The following LOXHD1 variants were observed in gnomAD, a reference collection of about 807,000 sequenced individuals.
The protein encoded by LOXHD1 is lipoxygenase homology domain-containing protein 1.
A neutral mutation model predicts 248.2 loss-of-function variants in LOXHD1; 205 were observed. The ratio of observed to expected loss-of-function variants is 0.83; its 90% CI spans 0.74 to 0.93. LOXHD1 has a LOEUF of 0.93. Among genes scored for constraint, LOXHD1 ranks in the 40% least tolerant of loss-of-function variants. The pLI is 0.00. For synonymous variants in LOXHD1, 1,113 were observed against 1,162.8 expected (o/e 0.96, Z 0.87); for missense variants, 2,930 against 2,971.6 (o/e 0.99, Z 0.33).
chr18:46,586,935 T>A (rs1599029937), intron 12 of LOXHD1, among the ~76,000 whole-genome samples: 1 of 152,174 alleles, frequency 6.6e-6, no homozygotes, highest in African/African-American at 2.4e-5. Context: ...ATGAAACATA[T>A]GAGTACACAA....
intron 4 of LOXHD1, among the ~76,000 whole-genome samples, chr18:46,638,289 G>T (rs1021330520): frequency 1.3e-5 from 2 of 152,126 alleles, no homozygotes; most frequent in Non-Finnish European, 2.9e-5. Context: ...TTTCTACAAT[G>T]ATCAAATTTG....
intron 19 of LOXHD1, 33 bp from the exon 20 acceptor site, chr18:46,559,635 C>T (rs1402869011): frequency 1.9e-6 from 3 of 1,548,344 alleles, no homozygotes; most frequent in Non-Finnish European, 2.6e-6. Context: ...TGTGGAGGGC[C>T]TCATGGCCAT....
chr18:46,568,395 C>T (rs531380982), intron 16 of LOXHD1, among the ~76,000 whole-genome samples: 1 of 152,324 alleles, frequency 6.6e-6, no homozygotes, highest in East Asian at 1.9e-4. Flanking sequence ...GGCTCCTGAA[C>T]CCTTTCTCAG....
chr18:46,607,925 A>G (rs2144303863), intron 6 of LOXHD1, among the ~76,000 whole-genome samples: 1 of 152,256 alleles, frequency 6.6e-6, no homozygotes, highest in African/African-American at 2.4e-5. Context: ...CTCTTTTCTG[A>G]CCTATAAATA....
In LOXHD1 at chr18:46,477,517, C is replaced by A; in HGVS notation, c.6777G>T (p.Lys2259Asn). Reference protein sequence around the residue: ...IFNCGRWLDKKRGDGLTWRDL... With the variant: ...IFNCGRWLDKNRGDGLTWRDL... ...CTCTCCAGGTGAGTCCATCCCCCCGCTTCTTGTCCAGCCACCTGCCACAGT... is the reference window on the plus strand; with the variant it reads ...CTCTCCAGGTGAGTCCATCCCCCCGATTCTTGTCCAGCCACCTGCCACAGT... Residue 2259 changes from lysine (K) to asparagine (N), a missense_variant, in exon 41 of 41, where the codon AAG becomes AAT. Coordinates refer to ENST00000642948, the MANE Select transcript of LOXHD1 (RefSeq NM_001384474.1). The A allele has an allele frequency of 1.3e-6, 2 of 1,551,052 alleles. No individual in the cohort carries two copies. The highest frequency in any genetic ancestry group is 1.7e-6 in the Non-Finnish European group (2 of 1,146,982).
In LOXHD1 at chr18:46,579,660, C is replaced by T. The variant is rs865893834; in HGVS notation, c.1779G>A (p.Arg593=). 1 of 1,551,710 alleles carries T rather than the reference C, an allele frequency of 6.4e-7. No individual in the cohort carries two copies. Among genetic ancestry groups the T allele is most frequent in the Non-Finnish European group, 8.7e-7 (1 of 1,147,000 alleles). Reference sequence around the variant, plus strand: ...CCTTTTCAAACAGGTCTGTGTTATTCCTGCAGTTGTAGAGCAGCCGTTCCC... The same window carrying T: ...CCTTTTCAAACAGGTCTGTGTTATTTCTGCAGTTGTAGAGCAGCCGTTCCC... The part of the protein sequence containing the change: ...DTGERLLYNC[R]NNTDLFEKGN... The change falls in exon 13 of 41, where the codon AGG becomes AGA. Residue 593 remains arginine, a synonymous_variant. Transcript: ENST00000642948.
intron 37 of LOXHD1, among the ~76,000 whole-genome samples, chr18:46,495,099 C>G (rs9807212): frequency 0.11 from 16,192 of 152,110 alleles, 1,040 homozygotes; most frequent in Admixed American, 0.16. Context: ...CGTGATCCAC[C>G]AGCCTCGGCC....
At chr18:46,487,635 C>T (rs1349870016) in intron 38 of LOXHD1, among the ~76,000 whole-genome samples, 1 of 152,236 alleles carries the variant, frequency 6.6e-6, no homozygotes, top group African/African-American at 2.4e-5. Context: ...GTGTATGGAA[C>T]TTAAGCAGGG....
chr18:46,493,698 A>C lies in LOXHD1; in HGVS notation c.5879-4556T>G, dbSNP rs78945268. 7.7e-3 allele frequency among the ~76,000 whole-genome samples: 1,167 copies of C among 152,330 alleles called. 16 individuals carry two copies. The highest frequency in any genetic ancestry group is 0.026 in the African/African-American group (1,094 of 41,560). On this transcript the variant is annotated intron_variant, in intron 37 of 40. Coordinates refer to ENST00000642948, the MANE Select transcript of LOXHD1 (RefSeq NM_001384474.1). ...GTTTACTTTAAGAAAAAGGCTTAGA[A>C]ACTGTGCAGTGTGAGGTCTCAATCT...
At chr18:46,632,994 C>A (rs992310752) in intron 4 of LOXHD1, among the ~76,000 whole-genome samples, 1 of 152,130 alleles carries the variant, frequency 6.6e-6, no homozygotes, top group Non-Finnish European at 1.5e-5. Context: ...TCTCCAGGAG[C>A]CTTGAAGTCT....
chr18:46,477,509 TC>T lies in LOXHD1; in HGVS notation c.6784del (p.Asp2262MetfsTer22). The T allele has an allele frequency of 3.2e-6, 5 of 1,550,316 alleles. No homozygotes were observed. The highest frequency in any genetic ancestry group is 4.4e-6 in the Non-Finnish European group (5 of 1,146,862). On this transcript the variant is annotated frameshift_variant, in exon 41 of 41. Coordinates refer to ENST00000642948, the MANE Select transcript of LOXHD1 (RefSeq NM_001384474.1). LOFTEE classifies it high-confidence loss of function. Reference sequence around the variant, plus strand: ...GAAGAGGTCTCTCCAGGTGAGTCCATCCCCCCGCTTCTTGTCCAGCCACCTG... The same window carrying T: ...GAAGAGGTCTCTCCAGGTGAGTCCATCCCCCGCTTCTTGTCCAGCCACCTG... ...CGRWLDKKRGDGLTWRDLFPS... is the reference protein window; with the variant it reads ...CGRWLDKKRGXGLTWRDLFPS...
chr18:46,520,089 A>G (rs2035494642), intron 33 of LOXHD1, among the ~76,000 whole-genome samples: 1 of 152,084 alleles, frequency 6.6e-6, no homozygotes, highest in Admixed American at 6.5e-5. Context: ...GCTCACCCAC[A>G]CCATCCGTCT....
intron 31 of LOXHD1, 69 bp downstream of exon 31, chr18:46,524,397 A>G (rs1191036546): frequency 1.3e-6 from 2 of 1,516,352 alleles, no homozygotes; most frequent in Non-Finnish European, 8.9e-7. Context: ...AGAATGGCTC[A>G]TCCAAGAATT....
intron 19 of LOXHD1, 84 bp downstream of exon 19, chr18:46,559,999 T>G (rs1011473932): frequency 1.4e-6 from 2 of 1,439,366 alleles, no homozygotes; most frequent in Non-Finnish European, 1.9e-6. Flanking sequence ...GAGGGGGATC[T>G]AGGCCCCCTG....
At chr18:46,490,925 GTGCGAC>G (rs2143655135) in intron 37 of LOXHD1, among the ~76,000 whole-genome samples, 1 of 152,340 alleles carries the variant, frequency 6.6e-6, no homozygotes, top group Admixed American at 6.5e-5. Flanking sequence ...TCTGCCTCAA[GTGCGAC>G]TGCTGGCTGT....
intron 19 of LOXHD1, 35 bp downstream of exon 19, chr18:46,560,048 T>TGCCCA: frequency 8.2e-7 from 1 of 1,226,298 alleles, no homozygotes; most frequent in Non-Finnish European, 1.1e-6. Context: ...GTCTGGCCAC[T>TGCCCA]CCCTCCCCAC....
intron 7 of LOXHD1, among the ~76,000 whole-genome samples, chr18:46,602,454 C>A (rs962221523): frequency 6.6e-6 from 1 of 152,040 alleles, no homozygotes; most frequent in Non-Finnish European, 1.5e-5. Context: ...GATCCACCCC[C>A]CTCAGACTCC....
At chr18:46,614,412 C>CT (rs1212790181) in intron 5 of LOXHD1, among the ~76,000 whole-genome samples, 1 of 151,830 alleles carries the variant, frequency 6.6e-6, no homozygotes, top group Non-Finnish European at 1.5e-5. Context: ...AGTTCATGTC[C>CT]TTTTTACGGA....
At chr18:46,591,105 T>C (rs748200930) in intron 12 of LOXHD1, among the ~76,000 whole-genome samples, 3 of 152,204 alleles carry the variant, frequency 2.0e-5, no homozygotes, top group Non-Finnish European at 2.9e-5. Context: ...CAATCACCTG[T>C]GAAATGAGAT....
Sources: gnomAD v4.1 joint callset for allele counts (sites outside exome capture counted in the v4.1 genomes callset) on GRCh38, gnomAD v4.1.1 for gene constraint, MANE v1.5 for transcripts, NCBI Gene and HGNC (gene_info 2026-07-23, HGNC 2026-07-21) for gene names.